The following PHACTR1 variants were observed in gnomAD, a reference collection of about 807,000 sequenced individuals.
PHACTR1 encodes the protein RPEL repeat containing 1.
A neutral mutation model predicts 69.2 loss-of-function variants in PHACTR1; 16 were observed. The ratio of observed to expected loss-of-function variants is 0.23; its 90% CI spans 0.16 to 0.35. The LOEUF is 0.35. PHACTR1 is among the 10% of genes least tolerant of loss of function. The probability of loss-of-function intolerance (pLI) is 1.00; values close to 1 mark genes in which losing one functional copy is unlikely to be tolerated. For synonymous variants in PHACTR1, 312 were observed against 284.5 expected (o/e 1.10, Z -0.97); for missense variants, 510 against 734.7 (o/e 0.69, Z 3.54).
chr6:12,889,784 C>T (rs1174507795), intron 4 of PHACTR1, among the ~76,000 whole-genome samples: 7 of 141,532 alleles, frequency 4.9e-5, no homozygotes, highest in Non-Finnish European at 9.0e-5. Flanking sequence ...CCTCCTCCTC[C>T]TTCTCCTTCT....
At chr6:12,969,295 T>C (rs1025115835) in intron 4 of PHACTR1, among the ~76,000 whole-genome samples, 4 of 152,214 alleles carry the variant, frequency 2.6e-5, no homozygotes, top group African/African-American at 9.6e-5. Flanking sequence ...AGGGAATTCA[T>C]ACTTGACTTC....
chr6:13,200,134 C>T (rs919219417), intron 7 of PHACTR1, among the ~76,000 whole-genome samples: 1 of 152,220 alleles, frequency 6.6e-6, no homozygotes, highest in Admixed American at 6.5e-5. Flanking sequence ...ATCCCTGCCT[C>T]AGGCAGCACC....
chr6:13,057,526 T>C (rs1387767527), intron 5 of PHACTR1, among the ~76,000 whole-genome samples: 1 of 152,196 alleles, frequency 6.6e-6, no homozygotes, highest in Non-Finnish European at 1.5e-5. Context: ...CTGGGTTACA[T>C]TTATAATTTG....
At chr6:12,838,170 C>T (rs1778341780) in intron 4 of PHACTR1, among the ~76,000 whole-genome samples, 1 of 152,218 alleles carries the variant, frequency 6.6e-6, no homozygotes, top group Non-Finnish European at 1.5e-5. Flanking sequence ...GAAGTGACAG[C>T]CCGTCCCCGT....
intron 6 of PHACTR1, among the ~76,000 whole-genome samples, chr6:13,173,735 T>A (rs982517353): frequency 6.6e-6 from 1 of 152,096 alleles, no homozygotes; most frequent in Non-Finnish European, 1.5e-5. Context: ...TTAGATGGAG[T>A]TTCACTCTTG....
chr6:13,141,523 CA>C (rs796435759), intron 5 of PHACTR1, among the ~76,000 whole-genome samples: 4 of 152,096 alleles, frequency 2.6e-5, no homozygotes, highest in Admixed American at 6.5e-5. Flanking sequence ...GTTGCAGTCA[CA>C]AAAAACTAGT....
chr6:13,156,392 A>G (rs1758176112), intron 5 of PHACTR1, among the ~76,000 whole-genome samples: 2 of 152,218 alleles, frequency 1.3e-5, no homozygotes, highest in African/African-American at 4.8e-5. Flanking sequence ...AAACTAAAAC[A>G]GATATATTAT....
At chr6:13,057,950 A>G (rs9473351) in intron 5 of PHACTR1, among the ~76,000 whole-genome samples, 1,882 of 152,312 alleles carry the variant, frequency 0.012, 39 homozygotes, top group African/African-American at 0.043. Flanking sequence ...GAAGTCCTGC[A>G]TCACAGGATG....
At chr6:13,217,481 G>A (rs1235649698) in intron 8 of PHACTR1, among the ~76,000 whole-genome samples, 1 of 152,164 alleles carries the variant, frequency 6.6e-6, no homozygotes, top group Non-Finnish European at 1.5e-5. Context: ...GGAGGGATGG[G>A]CTCTTGGTCA....
intron 4 of PHACTR1, among the ~76,000 whole-genome samples, chr6:12,961,894 G>C (rs561252279): frequency 5.3e-5 from 8 of 152,012 alleles, no homozygotes; most frequent in African/African-American, 9.7e-5. Flanking sequence ...TAGTCTGTGG[G>C]TGTCTGTGCC....
chr6:12,994,110 T>C (rs1797127934), intron 4 of PHACTR1, among the ~76,000 whole-genome samples: 1 of 151,694 alleles, frequency 6.6e-6, no homozygotes, highest in South Asian at 2.1e-4. Flanking sequence ...AGACTAGAAA[T>C]GAAAAATATA....
intron 4 of PHACTR1, among the ~76,000 whole-genome samples, chr6:12,923,361 A>G (rs1787921328): frequency 6.6e-6 from 1 of 152,156 alleles, no homozygotes; most frequent in African/African-American, 2.4e-5. Flanking sequence ...TCATCCTCTA[A>G]TGAAATTTAG....
intron 4 of PHACTR1, among the ~76,000 whole-genome samples, chr6:12,954,345 T>C (rs1428936513): frequency 6.6e-6 from 1 of 151,672 alleles, no homozygotes; most frequent in African/African-American, 2.4e-5. Context: ...TGAGAAGCTA[T>C]ATGATTAAAT....
chr6:12,987,568 T>A (rs1170182566), intron 4 of PHACTR1, among the ~76,000 whole-genome samples: 1 of 152,108 alleles, frequency 6.6e-6, no homozygotes, highest in Non-Finnish European at 1.5e-5. Context: ...TCCAAAAGGA[T>A]GGCTTTGGGC....
At chr6:12,985,495 T>G (rs569442793) in intron 4 of PHACTR1, among the ~76,000 whole-genome samples, 1 of 146,916 alleles carries the variant, frequency 6.8e-6, no homozygotes, top group Non-Finnish European at 1.5e-5. Flanking sequence ...TTGACCATAC[T>G]ACATCATCAG....
intron 5 of PHACTR1, among the ~76,000 whole-genome samples, chr6:13,057,269 T>A (rs1160342361): frequency 6.6e-6 from 1 of 152,102 alleles, no homozygotes; most frequent in African/African-American, 2.4e-5. Context: ...TATATACAAC[T>A]ATTGTGTATT....
chr6:13,006,208 T>C (rs1798767753), intron 4 of PHACTR1, among the ~76,000 whole-genome samples: 1 of 152,214 alleles, frequency 6.6e-6, no homozygotes. Context: ...CCTGTTCTAT[T>C]TACTACCAGC....
chr6:12,835,602 C>T (rs1778077344), intron 4 of PHACTR1, among the ~76,000 whole-genome samples: 1 of 151,720 alleles, frequency 6.6e-6, no homozygotes, highest in African/African-American at 2.4e-5. Flanking sequence ...TTTTGGATAC[C>T]CATTTTAAGA....
intron 4 of PHACTR1, among the ~76,000 whole-genome samples, chr6:13,015,800 G>A (rs972478063): frequency 2.6e-5 from 4 of 152,164 alleles, no homozygotes; most frequent in South Asian, 4.1e-4. Flanking sequence ...TGAAACGTGC[G>A]TCATCTCCAC....
Sources: gnomAD v4.1 joint callset for allele counts (sites outside exome capture counted in the v4.1 genomes callset) on GRCh38, gnomAD v4.1.1 for gene constraint, MANE v1.5 for transcripts, NCBI Gene and HGNC (gene_info 2026-07-23, HGNC 2026-07-21) for gene names.